MEGF6: variants seen among roughly 807,000 people sequenced by gnomAD.
The protein encoded by MEGF6 is multiple epidermal growth factor-like domains protein 6.
MEGF6 carries 184 observed loss-of-function variants against 207.1 expected under a neutral mutation model. The ratio of observed to expected loss-of-function variants is 0.89; its 90% confidence interval spans 0.79 to 1.00. The LOEUF (loss-of-function observed/expected upper bound fraction) is 1.00, where lower values mean the gene tolerates loss of function less well. MEGF6 is among the 50% of genes least tolerant of loss of function. The probability of loss-of-function intolerance (pLI) is 0.00; values close to 1 mark genes in which losing one functional copy is unlikely to be tolerated. For synonymous variants in MEGF6, 1,038 were observed against 910.0 expected, an observed-to-expected ratio of 1.14 and a Z score of -2.53; for missense variants, 2,282 against 2,202.9, an observed-to-expected ratio of 1.04 and a Z score of -0.72.
At chr1:3,498,286 G>A (rs1415119830) in intron 26 of MEGF6, 85 bp downstream of exon 26, 5 of 1,468,810 alleles carry the variant, frequency 3.4e-6, no homozygotes, top group African/African-American at 2.8e-5. Context: ...CCCAAACCGG[G>A]CACAGTCCTC....
chr1:3,536,496 G>T (rs556052483), intron 4 of MEGF6, among the ~76,000 whole-genome samples: 4 of 152,148 alleles, frequency 2.6e-5, no homozygotes, highest in African/African-American at 4.8e-5. Flanking sequence ...GCGTGGCCGT[G>T]GGGGGCAGCA....
chr1:3,538,863 C>G (rs989534409), intron 4 of MEGF6, among the ~76,000 whole-genome samples: 6 of 152,176 alleles, frequency 3.9e-5, no homozygotes, highest in African/African-American at 7.2e-5. Flanking sequence ...AGCCCCCAGG[C>G]AAGGCCAGCC....
At chr1:3,499,356 G>A in intron 23 of MEGF6, 90 bp from the exon 24 acceptor site, 7 of 1,480,368 alleles carry the variant, frequency 4.7e-6, no homozygotes, top group Non-Finnish European at 4.5e-6. Flanking sequence ...GATCTGCCGG[G>A]GTCCCCTCGG....
At chr1:3,491,675 G>A (rs897015371) in intron 35 of MEGF6, among the ~76,000 whole-genome samples, 6 of 146,976 alleles carry the variant, frequency 4.1e-5, no homozygotes, top group Non-Finnish European at 9.0e-5. Context: ...CCTTTGCCCC[G>A]CCCACATGTC....
chr1:3,573,140 T>C lies in MEGF6; in HGVS notation c.481+6685A>G, dbSNP rs1415812643. ...CCTCCTGTGTGTGCTGGGTCCTCCC[T>C]GGTGGGCTGTGTTCCCTCAGGTGTG... On this transcript the variant is annotated intron_variant, in intron 4 of 36. Coordinates refer to ENST00000356575, the MANE Select transcript of MEGF6 (RefSeq NM_001409.4). This position sits in a 1 kb window ranked among gnomAD's most constrained non-coding sequence, Gnocchi z 5.1. Among the ~76,000 whole-genome samples the C allele has an allele frequency of 6.8e-6, 1 of 147,854 alleles. No individual in the cohort carries two copies. Among genetic ancestry groups the C allele is most frequent in the African/African-American group, 2.5e-5 (1 of 39,846 alleles).
intron 4 of MEGF6, chr1:3,531,382 C>T (rs1368341336): frequency 2.6e-6 from 3 of 1,169,880 alleles, no homozygotes; most frequent in South Asian, 4.2e-5. Context: ...CCGGGATCCG[C>T]TCCGCTCGGC....
In MEGF6 at chr1:3,530,814, G is replaced by A. The variant is rs988592927; in HGVS notation, c.482-6568C>T. ...AACCCTGCTCCCACAGACAAAGTCA[G>A]GGGATGTTTTTCTTTCCTCCGGTCA... On this transcript the variant is annotated intron_variant, in intron 4 of 36. Transcript: ENST00000356575. Among the ~76,000 whole-genome samples, 5 of 152,220 alleles carry A rather than the reference G, an allele frequency of 3.3e-5. No individual in the cohort carries two copies. In the South Asian group the frequency reaches 1.0e-3, roughly 32 times the overall value.
intron 4 of MEGF6, among the ~76,000 whole-genome samples, chr1:3,533,518 C>T (rs890024657): frequency 5.3e-5 from 8 of 152,238 alleles, no homozygotes; most frequent in African/African-American, 1.7e-4. Flanking sequence ...TCCCGCCCTC[C>T]GCAGCCACAG....
At position 3,595,451 on chromosome 1, in the gene MEGF6, G is replaced by A; in HGVS notation, c.267-4C>T. 3.7e-6 allele frequency: 6 copies of A among 1,609,956 alleles called. No individual in the cohort carries two copies. Among genetic ancestry groups the A allele is most frequent in the East Asian group, 2.2e-5 (1 of 44,854 alleles). On this transcript the variant is annotated splice_polypyrimidine_tract_variant and splice_region_variant and intron_variant, in intron 2 of 36. Coordinates refer to ENST00000356575, the MANE Select transcript of MEGF6 (RefSeq NM_001409.4). Reference sequence around the variant, plus strand: ...GTAGCCCATGTAGTAGACGGTTCTAGAAAGAAAGAGAGAAGGGAAGTGCTT... The same window carrying A: ...GTAGCCCATGTAGTAGACGGTTCTAAAAAGAAAGAGAGAAGGGAAGTGCTT...
intron 2 of MEGF6, among the ~76,000 whole-genome samples, chr1:3,597,803 G>A (rs1644092386): frequency 6.6e-6 from 1 of 152,138 alleles, no homozygotes; most frequent in African/African-American, 2.4e-5. Flanking sequence ...TCTGAAGCTG[G>A]GAGAGAATAA....
At chr1:3,495,403 G>C (rs1489217661) in intron 30 of MEGF6, among the ~76,000 whole-genome samples, 1 of 152,180 alleles carries the variant, frequency 6.6e-6, no homozygotes, top group Non-Finnish European at 1.5e-5. Context: ...GGGCCTGTCT[G>C]AGCAGGAGCC....
intron 4 of MEGF6, among the ~76,000 whole-genome samples, chr1:3,543,255 C>T (rs1306907383): frequency 6.6e-6 from 1 of 152,172 alleles, no homozygotes; most frequent in African/African-American, 2.4e-5. Context: ...AAGCAGGTTC[C>T]GGGCCCACCC....
In MEGF6 at chr1:3,591,674, G is replaced by A. The variant is rs879793783; in HGVS notation, c.376+3664C>T. 8.2e-3 allele frequency among the ~76,000 whole-genome samples: 1,126 copies of A among 137,792 alleles called. 7 individuals are homozygous for A. Among genetic ancestry groups the A allele is most frequent in the South Asian group, 0.025 (93 of 3,724 alleles). The allele number at this position is 137,792 out of a possible 152,430, so 90.4% of individuals were successfully genotyped here. A position where few individuals can be genotyped will look rare whatever the true frequency, so the allele number is the denominator to read the frequency against. Reference sequence around the variant, plus strand: ...AGCTCACAAGGGACCTGATGGGGGCGCCAGCGAGGCAGCTGGTGGGGGCTG... The same window carrying A: ...AGCTCACAAGGGACCTGATGGGGGCACCAGCGAGGCAGCTGGTGGGGGCTG... On this transcript the variant is annotated intron_variant, in intron 3 of 36. Transcript: ENST00000356575.
chr1:3,491,344 G>A (rs1200612224), intron 35 of MEGF6, among the ~76,000 whole-genome samples: 1 of 152,008 alleles, frequency 6.6e-6, no homozygotes, highest in Non-Finnish European at 1.5e-5. Flanking sequence ...CCCGGCACCC[G>A]GCACCCAGCG....
At chr1:3,610,498 C>CCT (rs1213458340) in intron 1 of MEGF6, among the ~76,000 whole-genome samples, 1 of 42,486 alleles carries the variant, frequency 2.4e-5, no homozygotes, top group African/African-American at 6.9e-5. Flanking sequence ...TCCTCCTCCT[C>CCT]CTCCACTGCC....
At position 3,490,219 on chromosome 1, in the gene MEGF6, C is replaced by T. The variant is rs763414113; in HGVS notation, c.*309G>A. ...ACCCACACTGGCGCCCACACCTGTC[C>T]TCAGTCCAACTCAGAGCCGCGGGGA... is the stretch of plus-strand genomic sequence containing the variant. On this transcript the variant is annotated 3_prime_UTR_variant, in exon 37 of 37. Transcript: ENST00000356575. 4.0e-5 allele frequency: 18 copies of T among 452,138 alleles called. No homozygotes were observed. The Admixed American group carries it at 7.2e-4, about 18-fold the overall frequency. The allele number at this position is 452,138 out of a possible 1,614,324, so 28.0% of individuals were successfully genotyped here. A position where few individuals can be genotyped will look rare whatever the true frequency, so the allele number is the denominator to read the frequency against.
intron 17 of MEGF6, among the ~76,000 whole-genome samples, chr1:3,503,526 G>A (rs1569973387): frequency 6.6e-6 from 1 of 152,064 alleles, no homozygotes; most frequent in East Asian, 1.9e-4. Context: ...GGAACTGGGG[G>A]CTCCGGGAGT....
In MEGF6 at chr1:3,501,039, A is replaced by G. The variant is rs1248913855; in HGVS notation, c.2502T>C (p.Asn834=). ...PSCQTRCSCA[N]DGHCHPATGH... is the part of the protein sequence containing the mutation. ...CGGTGGCTGGGTGGCAGTGCCCATCATTGGCACAAGAGCACCTTGTCTGGC... is the reference window on the plus strand; with the variant it reads ...CGGTGGCTGGGTGGCAGTGCCCATCGTTGGCACAAGAGCACCTTGTCTGGC... The change falls in exon 20 of 37, where the codon AAT becomes AAC. Residue 834 remains asparagine, a synonymous_variant. Transcript: ENST00000356575. 1.2e-6 allele frequency: 2 copies of G among 1,612,768 alleles called. No individual in the cohort carries two copies. Among genetic ancestry groups the G allele is most frequent in the South Asian group, 1.1e-5 (1 of 91,088 alleles).
Position 3,490,097 on chromosome 1 carries a change from TTTA to T in MEGF6, c.*428_*430del. On this transcript the variant is annotated 3_prime_UTR_variant, in exon 37 of 37. Coordinates refer to ENST00000356575, the MANE Select transcript of MEGF6 (RefSeq NM_001409.4). ...GCATGTGCAGTGGCCCATAAATACCTTTACATAAATACGGGCTGGGCGACTTCC... is the reference window on the plus strand; with the variant it reads ...GCATGTGCAGTGGCCCATAAATACCTCATAAATACGGGCTGGGCGACTTCC... 1 of 193,820 alleles carries T rather than the reference TTTA, an allele frequency of 5.2e-6. No homozygotes were observed. Among genetic ancestry groups the T allele is most frequent in the Non-Finnish European group, 1.0e-5 (1 of 95,470 alleles). The allele number at this position is 193,820 out of a possible 1,614,324, so 12.0% of individuals were successfully genotyped here. A position where few individuals can be genotyped will look rare whatever the true frequency, so the allele number is the denominator to read the frequency against.
Sources: allele counts gnomAD v4.1 joint callset (sites outside exome capture counted in the v4.1 genomes callset), GRCh38; gene constraint gnomAD v4.1.1; non-coding constraint Gnocchi (gnomAD v3.1); transcripts MANE v1.5; gene names NCBI Gene and HGNC (gene_info 2026-07-23, HGNC 2026-07-21).